The following MIGA1 variants were observed in gnomAD, a reference collection of about 807,000 sequenced individuals.
MIGA1 encodes mitoguardin 1, also known as family with sequence similarity 73, member A.
MIGA1 carries 58 observed loss-of-function variants against 82.0 expected under a neutral mutation model. That is an observed-to-expected ratio of 0.71 (90% CI 0.57 to 0.88). MIGA1 has a LOEUF of 0.88. MIGA1 is among the 40% of genes least tolerant of loss of function. MIGA1 has a pLI of 0.00. For missense variants in MIGA1, 751 were observed against 749.1 expected (o/e 1.00, Z -0.03); for synonymous variants, 249 against 253.6 (o/e 0.98, Z 0.17).
rs377316490 is a variant in MIGA1 at position 77,870,919 on chromosome 1, CAA to C, written c.1564-2075_1564-2074del. Among the ~76,000 whole-genome samples, 22 of 140,660 alleles carry C rather than the reference CAA, an allele frequency of 1.6e-4. No individual in the cohort carries two copies. The East Asian group carries it at 1.8e-3, about 11-fold the overall frequency. 92.3% of individuals were successfully genotyped at this position (140,660 alleles called of 152,430 possible). On this transcript the variant is annotated intron_variant, in intron 14 of 15. Transcript: ENST00000370791. ...CAACACAGCAAAACCCCGTCTCCAC[CAA>C]AAAAAAAAACGAAAACCAGTCAGGC...
Position 77,783,166 on chromosome 1 carries a change from G to A in MIGA1, c.82-72G>A, listed in dbSNP as rs1681999172. Reference sequence around the variant, plus strand: ...ATAAGCTGATAGAATTAAATTTTCAGTTTGTACCTTTCATTGGTAAAGTAA... The same window carrying A: ...ATAAGCTGATAGAATTAAATTTTCAATTTGTACCTTTCATTGGTAAAGTAA... On this transcript the variant is annotated intron_variant, in intron 1 of 15. Transcript: ENST00000370791. The A allele has an allele frequency of 1.2e-5, 12 of 1,034,388 alleles. No individual in the cohort carries two copies. In the South Asian group the frequency reaches 2.0e-4, roughly 17 times the overall value. The allele number at this position is 1,034,388 out of a possible 1,614,324, so 64.1% of individuals were successfully genotyped here.
intron 13 of MIGA1, among the ~76,000 whole-genome samples, chr1:77,864,779 A>G (rs573268578): frequency 6.6e-6 from 1 of 152,372 alleles, no homozygotes; most frequent in East Asian, 1.9e-4. Flanking sequence ...CAGCTCAGGC[A>G]TATACGGCAT....
rs1346721645 is a variant in MIGA1 at position 77,874,889 on chromosome 1, A to G, written c.1724A>G (p.Lys575Arg). 3.7e-6 allele frequency: 6 copies of G among 1,613,998 alleles called. No individual in the cohort carries two copies. Among genetic ancestry groups the G allele is most frequent in the Non-Finnish European group, 5.1e-6 (6 of 1,179,998 alleles). The change falls in exon 16 of 16, where the codon AAG (lysine) becomes AGG (arginine). Residue 575 changes from lysine to arginine, a missense_variant. Around this residue, in one of 3 missense-constraint regions of MIGA1, gnomAD observed 265 missense variants for 293.6 expected, o/e 0.90. Coordinates refer to ENST00000370791, the MANE Select transcript of MIGA1 (RefSeq NM_198549.4). ...CTCAAAGACATTTTTGACTTTGAGAAGGTGCGCTATTCAAGTACAGAGACT... is the reference window on the plus strand; with the variant it reads ...CTCAAAGACATTTTTGACTTTGAGAGGGTGCGCTATTCAAGTACAGAGACT...
intron 7 of MIGA1, among the ~76,000 whole-genome samples, chr1:77,830,166 A>G (rs1684190179): frequency 6.6e-6 from 1 of 152,126 alleles, no homozygotes; most frequent in Non-Finnish European, 1.5e-5. Flanking sequence ...TGATTATTAT[A>G]TTGTATTTAT....
At chr1:77,869,145 T>C (rs1258959727) in intron 14 of MIGA1, among the ~76,000 whole-genome samples, 1 of 148,394 alleles carries the variant, frequency 6.7e-6, no homozygotes, top group Non-Finnish European at 1.5e-5. Flanking sequence ...GTGATGACTC[T>C]TAACGAGCAT....
At chr1:77,792,903 C>G (rs1320901425) in intron 2 of MIGA1, among the ~76,000 whole-genome samples, 1 of 149,728 alleles carries the variant, frequency 6.7e-6, no homozygotes, top group Middle Eastern at 3.2e-3. Flanking sequence ...ATTCTCCTGT[C>G]TCAGCCTCCT....
chr1:77,876,180 T>A lies in MIGA1; in HGVS notation c.*1116T>A, dbSNP rs939327089. The A allele has an allele frequency of 6.6e-6, 1 of 151,822 alleles. No homozygotes were observed. Among genetic ancestry groups the A allele is most frequent in the Admixed American group, 6.6e-5 (1 of 15,232 alleles). The allele number at this position is 151,822 out of a possible 1,614,324, so 9.4% of individuals were successfully genotyped here. ...AATTAATTAGTTGGGTGTGGTGGCA[T>A]GTGTCTGTGGTCCCAGCTACTTGGG... is the stretch of plus-strand genomic sequence containing the variant. On this transcript the variant is annotated 3_prime_UTR_variant, in exon 16 of 16. Transcript: ENST00000370791.
rs1442783086 is a variant in MIGA1, at chr1:77,851,932, AGTGGT to A, written c.997-7002_997-6998del. Reference sequence around the variant, plus strand: ...TACTCTGTCACTCAGGTTGGAGTGTAGTGGTGTGATCTCAGCTCACTGCAACCTTG... The same window carrying A: ...TACTCTGTCACTCAGGTTGGAGTGTAGTGATCTCAGCTCACTGCAACCTTG... On this transcript the variant is annotated intron_variant, in intron 8 of 15. Transcript: ENST00000370791. Among the ~76,000 whole-genome samples the A allele has an allele frequency of 7.7e-5, 10 of 130,480 alleles. No individual in the cohort carries two copies. The East Asian group carries it at 2.3e-3, about 30-fold the overall frequency. 85.6% of individuals were successfully genotyped at this position (130,480 alleles called of 152,430 possible).
At chr1:77,800,764 A>G (rs139084533) in intron 2 of MIGA1, among the ~76,000 whole-genome samples, 12 of 152,352 alleles carry the variant, frequency 7.9e-5, no homozygotes, top group African/African-American at 2.6e-4. Context: ...CTCTGTATAC[A>G]TAGTGCTTCC....
At chr1:77,785,016 G>A (rs182342174) in intron 2 of MIGA1, among the ~76,000 whole-genome samples, 5 of 152,100 alleles carry the variant, frequency 3.3e-5, no homozygotes, top group African/African-American at 9.7e-5. Context: ...TTTGGGTGGG[G>A]ACACAGCCAA....
At chr1:77,870,995 A>C (rs1685961061) in intron 14 of MIGA1, among the ~76,000 whole-genome samples, 1 of 150,492 alleles carries the variant, frequency 6.6e-6, no homozygotes, top group Admixed American at 6.6e-5. Context: ...CTGAGGCAGG[A>C]GAATCAGGCA....
rs1332303992 is a variant in MIGA1 at position 77,875,141 on chromosome 1, A to G, written c.*77A>G. 8.3e-7 allele frequency: 1 copy of G among 1,206,558 alleles called. No homozygotes were observed. Among genetic ancestry groups the G allele is most frequent in the Non-Finnish European group, 1.2e-6 (1 of 841,982 alleles). The allele number at this position is 1,206,558 out of a possible 1,614,324, so 74.7% of individuals were successfully genotyped here. A position where few individuals can be genotyped will look rare whatever the true frequency, so the allele number is the denominator to read the frequency against. Reference sequence around the variant, plus strand: ...CTATTGATTTTGTAACATATATTACAAAGTTAACAGAATTGATGCATGTGG... The same window carrying G: ...CTATTGATTTTGTAACATATATTACGAAGTTAACAGAATTGATGCATGTGG... On this transcript the variant is annotated 3_prime_UTR_variant, in exon 16 of 16. Coordinates refer to ENST00000370791, the MANE Select transcript of MIGA1 (RefSeq NM_198549.4).
At position 77,876,714 on chromosome 1, in the gene MIGA1, GT is replaced by G. The variant is rs546854644; in HGVS notation, c.*1656del. 16 of 152,224 alleles carry G rather than the reference GT, an allele frequency of 1.1e-4. No homozygotes were observed. The highest frequency in any genetic ancestry group is 5.8e-4 in the East Asian group (3 of 5,194). The allele number at this position is 152,224 out of a possible 1,614,324, so 9.4% of individuals were successfully genotyped here. A position where few individuals can be genotyped will look rare whatever the true frequency, so the allele number is the denominator to read the frequency against. On this transcript the variant is annotated 3_prime_UTR_variant, in exon 16 of 16. Transcript: ENST00000370791. ...AATCTTATTGACATTTTAAAGAAGA[GT>G]TTTTTCCTCCCTGGAATGTAAAACA...
chr1:77,860,125 A>G lies in MIGA1; in HGVS notation c.1274A>G (p.Lys425Arg), dbSNP rs771836885. 1.2e-6 allele frequency: 2 copies of G among 1,604,052 alleles called. No homozygotes were observed. Among genetic ancestry groups the G allele is most frequent in the Non-Finnish European group, 1.7e-6 (2 of 1,172,908 alleles). The stretch of plus-strand genomic sequence containing the variant: ...TCAGCTTTAATTGTGAAAGCACGAA[A>G]GGTAAACTTGTTCTGTTGGCAAGAT... Residue 425 changes from lysine (K) to arginine (R), a missense_variant and splice_region_variant, in exon 11 of 16, where the codon AAG (lysine) becomes AGG (arginine). Lys to Arg is a conservative substitution (Grantham distance 26). Around this residue, in one of 3 missense-constraint regions of MIGA1, gnomAD observed 265 missense variants for 293.6 expected, o/e 0.90. Transcript: ENST00000370791.
At chr1:77,801,074 A>C (rs543593512) in intron 2 of MIGA1, among the ~76,000 whole-genome samples, 1 of 152,242 alleles carries the variant, frequency 6.6e-6, no homozygotes, top group Non-Finnish European at 1.5e-5. Flanking sequence ...AACGGGGTTG[A>C]ATTATTTTCT....
At chr1:77,783,456 CAA>C (rs992126844) in intron 2 of MIGA1, 105 bp downstream of exon 2, 2 of 547,646 alleles carry the variant, frequency 3.7e-6, no homozygotes, top group Non-Finnish European at 5.9e-6. Flanking sequence ...ATAGTACAGT[CAA>C]AATATTTATT....
intron 8 of MIGA1, among the ~76,000 whole-genome samples, chr1:77,844,113 A>AAAAT (rs1296124524): frequency 3.7e-4 from 33 of 90,112 alleles, no homozygotes; most frequent in Non-Finnish European, 5.3e-4. Context: ...AAAAAAAAAA[A>AAAAT]ATATATATAT....
Position 77,807,040 on chromosome 1 carries a change from T to TG in MIGA1, c.577dup (p.Glu193GlyfsTer3), listed in dbSNP as rs1557903178. 1 of 1,607,394 alleles carries TG rather than the reference T, an allele frequency of 6.2e-7. No homozygotes were observed. Among genetic ancestry groups the TG allele is most frequent in the Admixed American group, 1.7e-5 (1 of 59,932 alleles). On this transcript the variant is annotated frameshift_variant, in exon 5 of 16. Transcript: ENST00000370791. LOFTEE classifies it high-confidence loss of function. ...ATTCTAATTCCTGGGACAAAGCAGATGAAGATGATATTAAACTTGTTAATA... is the reference window on the plus strand; with the variant it reads ...ATTCTAATTCCTGGGACAAAGCAGATGGAAGATGATATTAAACTTGTTAATA...
At chr1:77,800,222 A>G (rs1243163951) in intron 2 of MIGA1, among the ~76,000 whole-genome samples, 1 of 152,138 alleles carries the variant, frequency 6.6e-6, no homozygotes, top group African/African-American at 2.4e-5. Flanking sequence ...TCTTGATGAT[A>G]AGATATGCAA....
Sources: gnomAD v4.1 joint callset for allele counts (sites outside exome capture counted in the v4.1 genomes callset) on GRCh38, gnomAD v4.1.1 for gene constraint, gnomAD v4.1.1 regional missense constraint, MANE v1.5 for transcripts, NCBI Gene and HGNC (gene_info 2026-07-23, HGNC 2026-07-21) for gene names.